Variants in KCNB2 observed in about 807,000 individuals in gnomAD.
KCNB2 encodes potassium voltage-gated channel subfamily B member 2, also known as delayed rectifier potassium channel protein.
Under a neutral mutation model 61.5 loss-of-function variants are expected in KCNB2, and 15 were observed. The observed-to-expected ratio is 0.24, with a 90% confidence interval of 0.16 to 0.38. KCNB2 has a LOEUF of 0.38. Ranked by LOEUF, KCNB2 falls within the 10% of genes least tolerant of loss-of-function variation. KCNB2 has a pLI of 1.00. For missense variants in KCNB2, 828 were observed against 1,125.2 expected (o/e 0.74, Z 3.78); for synonymous variants, 457 against 446.0 (o/e 1.02, Z -0.31).
chr8:72,667,010 AGAGAGAGAGT>A (rs1378185191), intron 2 of KCNB2, among the ~76,000 whole-genome samples: 5 of 131,196 alleles, frequency 3.8e-5, no homozygotes, highest in Admixed American at 7.3e-5. Flanking sequence ...TGTGTGTGAG[AGAGAGAGAGT>A]GACAGAGAGG....
intron 2 of KCNB2, among the ~76,000 whole-genome samples, chr8:72,742,637 C>T (rs2128994704): frequency 6.6e-6 from 1 of 152,288 alleles, no homozygotes; most frequent in East Asian, 1.9e-4. Context: ...TCAACCTCCT[C>T]ATCCCCTTAG....
chr8:72,540,312 A>G (rs1014683515), intron 1 of KCNB2, among the ~76,000 whole-genome samples: 4 of 152,154 alleles, frequency 2.6e-5, no homozygotes, highest in African/African-American at 9.7e-5. Context: ...TCTCATGCAT[A>G]TTTTAAGGAA....
intron 2 of KCNB2, among the ~76,000 whole-genome samples, chr8:72,746,083 G>A (rs1396305330): frequency 2.0e-5 from 3 of 152,210 alleles, no homozygotes; most frequent in African/African-American, 4.8e-5. Flanking sequence ...TGCAGAAGCA[G>A]TACTTGTTGC....
At chr8:72,585,245 C>A (rs1806985645) in intron 2 of KCNB2, among the ~76,000 whole-genome samples, 1 of 152,074 alleles carries the variant, frequency 6.6e-6, no homozygotes, top group African/African-American at 2.4e-5. Context: ...GTTTTGTACA[C>A]AATTCCCAAC....
chr8:72,653,699 T>C (rs1033038368), intron 2 of KCNB2, among the ~76,000 whole-genome samples: 1 of 152,160 alleles, frequency 6.6e-6, no homozygotes, highest in Non-Finnish European at 1.5e-5. Context: ...TATGGCTGCT[T>C]CCATGCTATA....
chr8:72,827,852 G>T (rs577824773), intron 2 of KCNB2, among the ~76,000 whole-genome samples: 36 of 149,730 alleles, frequency 2.4e-4, no homozygotes, highest in African/African-American at 8.6e-4. Flanking sequence ...TCACTCTGCC[G>T]CCCAGGCTAG....
chr8:72,630,422 A>C (rs1269299411), intron 2 of KCNB2, among the ~76,000 whole-genome samples: 2 of 152,142 alleles, frequency 1.3e-5, no homozygotes, highest in African/African-American at 4.8e-5. Context: ...AAGGTCTTCA[A>C]TCTTATATGT....
intron 2 of KCNB2, among the ~76,000 whole-genome samples, chr8:72,616,656 A>C (rs2128983837): frequency 6.6e-6 from 1 of 152,300 alleles, no homozygotes; most frequent in South Asian, 2.1e-4. Flanking sequence ...GCACTGTCTG[A>C]AATTTTCTTA....
chr8:72,762,519 T>A (rs994449877), intron 2 of KCNB2, among the ~76,000 whole-genome samples: 26 of 152,134 alleles, frequency 1.7e-4, no homozygotes, highest in African/African-American at 5.8e-4. Context: ...TTGGCACAGT[T>A]TAGGTGCTCA....
chr8:72,905,515 G>C (rs1563419641), intron 2 of KCNB2, among the ~76,000 whole-genome samples: 1 of 149,928 alleles, frequency 6.7e-6, no homozygotes, highest in Non-Finnish European at 1.5e-5. Context: ...AATTTTATGA[G>C]GAAGAAAGCT....
At chr8:72,906,285 C>G (rs1159773905) in intron 2 of KCNB2, among the ~76,000 whole-genome samples, 1 of 152,164 alleles carries the variant, frequency 6.6e-6, no homozygotes. Flanking sequence ...TAATCTAAAA[C>G]TCCTATTTTA....
intron 2 of KCNB2, among the ~76,000 whole-genome samples, chr8:72,768,281 A>G (rs780446362): frequency 6.6e-6 from 1 of 151,840 alleles, no homozygotes; most frequent in Non-Finnish European, 1.5e-5. Context: ...GGCTCAAGCA[A>G]TCCTGCCTCA....
chr8:72,686,315 G>T (rs563766505), intron 2 of KCNB2, among the ~76,000 whole-genome samples: 7 of 152,076 alleles, frequency 4.6e-5, no homozygotes, highest in Non-Finnish European at 1.0e-4. Flanking sequence ...GCCTATTTGG[G>T]CTTCTCCAAG....
chr8:72,784,659 A>T (rs903776266), intron 2 of KCNB2, among the ~76,000 whole-genome samples: 5 of 152,182 alleles, frequency 3.3e-5, no homozygotes, highest in Non-Finnish European at 2.9e-5. Flanking sequence ...CACTATTACG[A>T]GAACAGCATG....
intron 2 of KCNB2, among the ~76,000 whole-genome samples, chr8:72,852,745 G>A (rs987192740): frequency 1.0e-4 from 4 of 38,814 alleles, no homozygotes; most frequent in Non-Finnish European, 4.8e-4. Flanking sequence ...AGCAAGTACT[G>A]AAAAGTTTTA....
intron 2 of KCNB2, among the ~76,000 whole-genome samples, chr8:72,621,344 C>T (rs968118568): frequency 1.3e-5 from 2 of 152,128 alleles, no homozygotes; most frequent in Admixed American, 1.3e-4. Context: ...CAGTCCAGAT[C>T]CCAGCTTCCA....
At chr8:72,928,679 C>G (rs899054524) in intron 2 of KCNB2, among the ~76,000 whole-genome samples, 7 of 114,104 alleles carry the variant, frequency 6.1e-5, no homozygotes, top group African/African-American at 2.3e-4. Flanking sequence ...AACACACACA[C>G]AGACACACAC....
At chr8:72,629,548 G>C (rs75164475) in intron 2 of KCNB2, among the ~76,000 whole-genome samples, 3,017 of 152,290 alleles carry the variant, frequency 0.02, 92 homozygotes, top group African/African-American at 0.067. Context: ...GATGACTGGC[G>C]TGGCTGGGAA....
chr8:72,553,071 T>TA lies in KCNB2; in HGVS notation c.-93-14563dup, dbSNP rs200070139. Among the ~76,000 whole-genome samples, 69 of 151,942 alleles carry TA rather than the reference T, an allele frequency of 4.5e-4. No individual in the cohort carries two copies. In the East Asian group the frequency reaches 0.013, roughly 28 times the overall value. On this transcript the variant is annotated intron_variant, in intron 1 of 2. Coordinates refer to ENST00000523207, the MANE Select transcript of KCNB2 (RefSeq NM_004770.3). ...TCAGATCCTTAACAACAAAAAAATT[T>TA]AAAAAAAACACACAGACCAAAATAC...
Sources: allele counts gnomAD v4.1 joint callset (sites outside exome capture counted in the v4.1 genomes callset), GRCh38; gene constraint gnomAD v4.1.1; transcripts MANE v1.5; gene names NCBI Gene and HGNC (gene_info 2026-07-23, HGNC 2026-07-21).